USH1C: variants seen among roughly 807,000 people sequenced by gnomAD.
USH1C encodes USH1 protein network component harmonin.
USH1C carries 90 observed loss-of-function variants against 119.3 expected under a neutral mutation model. That is an observed-to-expected ratio of 0.75 (90% CI 0.64 to 0.90). The LOEUF is 0.90. USH1C is among the 40% of genes least tolerant of loss of function. The pLI is 0.00. For missense variants in USH1C, 1,165 were observed against 1,167.7 expected (o/e 1.00, Z 0.03); for synonymous variants, 465 against 443.3 (o/e 1.05, Z -0.62).
intron 9 of USH1C, among the ~76,000 whole-genome samples, chr11:17,523,944 A>G (rs1425065863): frequency 1.3e-5 from 2 of 152,224 alleles, no homozygotes; most frequent in East Asian, 3.8e-4. Context: ...TATTATCCCC[A>G]TCTTACAGGT....
At chr11:17,498,541 G>A (rs1447917608) in intron 23 of USH1C, among the ~76,000 whole-genome samples, 1 of 152,138 alleles carries the variant, frequency 6.6e-6, no homozygotes, top group Non-Finnish European at 1.5e-5. Context: ...TATTACAGAG[G>A]GACACAGACC....
At chr11:17,517,388 C>G in intron 14 of USH1C, 5 of 1,571,662 alleles carry the variant, frequency 3.2e-6, no homozygotes, top group Non-Finnish European at 4.3e-6. Flanking sequence ...GGGAGCAAAG[C>G]GGGGACGCGA....
At chr11:17,534,620 A>C (rs1435754859) in intron 1 of USH1C, among the ~76,000 whole-genome samples, 2 of 152,176 alleles carry the variant, frequency 1.3e-5, no homozygotes, top group African/African-American at 2.4e-5. Flanking sequence ...CACGCCTATA[A>C]TCCCAGCACT....
At chr11:17,533,372 C>CGCA (rs3033420) in intron 1 of USH1C, 50 bp from the exon 2 acceptor site, 58 of 1,343,590 alleles carry the variant, frequency 4.3e-5, no homozygotes, top group Non-Finnish European at 5.6e-5. Flanking sequence ...CACCCGCCCC[C>CGCA]ATAGCAGACC....
chr11:17,539,833 CTTTTTTT>C (rs34881002), intron 1 of USH1C, among the ~76,000 whole-genome samples: 66 of 126,196 alleles, frequency 5.2e-4, no homozygotes, highest in South Asian at 8.0e-4. Context: ...CTTTCTTTTT[CTTTTTTT>C]TTTTTTTTTT....
At chr11:17,501,342 G>T in intron 22 of USH1C, 140 bp downstream of exon 22, 1 of 1,127,876 alleles carries the variant, frequency 8.9e-7, no homozygotes, top group Non-Finnish European at 1.3e-6. Flanking sequence ...ACAGAGGGGC[G>T]TCTCCGTGGG....
chr11:17,494,285 G>A lies in USH1C; in HGVS notation c.*47C>T, dbSNP rs774990972. ...GTGTAGTGTGGCCTCTCTCAAGGCT[G>A]ATCCGAGGCTTTGTGTTCACGAGGT... On this transcript the variant is annotated 3_prime_UTR_variant, in exon 27 of 27. Coordinates refer to ENST00000005226, the MANE Select transcript of USH1C (RefSeq NM_153676.4). 15 of 1,592,070 alleles carry A rather than the reference G, an allele frequency of 9.4e-6. No homozygotes were observed. The highest frequency in any genetic ancestry group is 1.2e-5 in the Non-Finnish European group (14 of 1,167,542).
In USH1C at chr11:17,518,891, T is replaced by C. The variant is rs185889818; in HGVS notation, c.1210+1979A>G. 1.8e-3 allele frequency among the ~76,000 whole-genome samples: 272 copies of C among 152,214 alleles called. 4 individuals carry two copies. In the East Asian group the frequency reaches 0.026, roughly 14 times the overall value. On this transcript the variant is annotated intron_variant, in intron 14 of 26. Coordinates refer to ENST00000005226, the MANE Select transcript of USH1C (RefSeq NM_153676.4). ...AAAATTAGCTGGGCTTGGTGGCGCATGCCTGTAGTCCCAGCTACTCGGGAG... is the reference window on the plus strand; with the variant it reads ...AAAATTAGCTGGGCTTGGTGGCGCACGCCTGTAGTCCCAGCTACTCGGGAG...
Position 17,527,308 on chromosome 11 carries a change from G to A in USH1C, c.411C>T (p.Ile137=). 6.2e-7 allele frequency: 1 copy of A among 1,612,858 alleles called. No homozygotes were observed. Among genetic ancestry groups the A allele is most frequent in the Non-Finnish European group, 8.5e-7 (1 of 1,179,898 alleles). The change falls in exon 5 of 27, where the codon ATC becomes ATT. Residue 137 remains isoleucine (I), a synonymous_variant. Coordinates refer to ENST00000005226, the MANE Select transcript of USH1C (RefSeq NM_153676.4). ...TACAGGAGGAGATGGAATATCCATT[G>A]ATCCGGACGATCTCGTCCCCTACCT... ...GLQVGDEIVR[I]NGYSISSCTH... is the part of the protein sequence containing the mutation.
rs1242583767 is a variant in USH1C at position 17,544,204 on chromosome 11, T to C, written c.36+68A>G. 3 of 1,595,376 alleles carry C rather than the reference T, an allele frequency of 1.9e-6. No homozygotes were observed. The Admixed American group carries it at 5.0e-5, about 27-fold the overall frequency. ...AAAAGGGAGGGGCAGTGCCGGGGTG[T>C]CCACCCCCTACCCACCGCGCCCAGG... On this transcript the variant is annotated intron_variant, in intron 1 of 26. Coordinates refer to ENST00000005226, the MANE Select transcript of USH1C (RefSeq NM_153676.4).
At chr11:17,517,168 G>A (rs1423146796) in intron 14 of USH1C, among the ~76,000 whole-genome samples, 3 of 152,146 alleles carry the variant, frequency 2.0e-5, no homozygotes, top group Non-Finnish European at 4.4e-5. Flanking sequence ...TCGAGCCAGC[G>A]GTTCAGTGGT....
At chr11:17,539,779 T>C (rs536688031) in intron 1 of USH1C, among the ~76,000 whole-genome samples, 28 of 152,030 alleles carry the variant, frequency 1.8e-4, no homozygotes, top group African/African-American at 6.3e-4. Flanking sequence ...TCTCTCTGTC[T>C]CTGTCTCTGT....
intron 17 of USH1C, 66 bp from the exon 18 acceptor site, chr11:17,509,904 G>T (rs994123816): frequency 1.3e-6 from 2 of 1,521,728 alleles, no homozygotes; most frequent in African/African-American, 1.4e-5. Flanking sequence ...ACAATACAGC[G>T]AGCACTATGC....
At chr11:17,526,938 T>C (rs1046570847) in intron 6 of USH1C, 78 bp downstream of exon 6, 1 of 1,567,522 alleles carries the variant, frequency 6.4e-7, no homozygotes, top group African/African-American at 1.3e-5. Flanking sequence ...GCTGGCATGG[T>C]GGGAGCCGGA....
chr11:17,494,516 G>T, intron 26 of USH1C, 140 bp from the exon 27 acceptor site: 1 of 945,470 alleles, frequency 1.1e-6, no homozygotes, highest in Admixed American at 2.0e-5. Flanking sequence ...CCCTCTGGGT[G>T]CAGGCCCCAA....
chr11:17,504,581 T>G, intron 20 of USH1C, 66 bp downstream of exon 20: 3 of 1,554,256 alleles, frequency 1.9e-6, no homozygotes, highest in Non-Finnish European at 2.7e-6. Flanking sequence ...GAGAAAGAAG[T>G]GGCACAGAGT....
At chr11:17,500,798 G>A (rs1849406128) in intron 23 of USH1C, among the ~76,000 whole-genome samples, 1 of 152,132 alleles carries the variant, frequency 6.6e-6, no homozygotes, top group Non-Finnish European at 1.5e-5. Context: ...TGGCAATTCT[G>A]AGTCCGTCTC....
intron 19 of USH1C, 57 bp from the exon 20 acceptor site, chr11:17,504,754 G>T (rs1254257814): frequency 3.8e-6 from 6 of 1,577,796 alleles, no homozygotes; most frequent in African/African-American, 2.7e-5. Flanking sequence ...GGTCTTGGCT[G>T]CCCCCTGGTG....
intron 16 of USH1C, 74 bp downstream of exon 16, chr11:17,511,828 C>A: frequency 6.5e-7 from 1 of 1,539,440 alleles, no homozygotes; most frequent in Admixed American, 1.9e-5. Flanking sequence ...TCCAGCTGGT[C>A]CTCTGGGAGC....
Sources: gnomAD v4.1 joint callset for allele counts (sites outside exome capture counted in the v4.1 genomes callset) on GRCh38, gnomAD v4.1.1 for gene constraint, MANE v1.5 for transcripts, NCBI Gene and HGNC (gene_info 2026-07-23, HGNC 2026-07-21) for gene names.